EPRS1: variants seen among roughly 807,000 people sequenced by gnomAD.
EPRS1 encodes the protein glutamyl-prolyl-tRNA synthetase 1, also known as bifunctional glutamate/proline--tRNA ligase.
EPRS1 carries 107 observed loss-of-function variants against 188.3 expected under a neutral mutation model. The ratio of observed to expected loss-of-function variants is 0.57; its 90% CI spans 0.49 to 0.67. EPRS1 has a LOEUF of 0.67. Ranked by LOEUF, EPRS1 falls within the 30% of genes least tolerant of loss-of-function variation. The pLI, the probability that EPRS1 is intolerant of heterozygous loss-of-function variation, is 0.00. For missense variants in EPRS1, 1,577 were observed against 1,802.2 expected (o/e 0.88, Z 2.26); for synonymous variants, 596 against 593.1 (o/e 1.00, Z -0.07).
chr1:219,973,689 T>C (rs1219886968), intron 28 of EPRS1, among the ~76,000 whole-genome samples: 1 of 151,994 alleles, frequency 6.6e-6, no homozygotes, highest in Non-Finnish European at 1.5e-5. Flanking sequence ...CAAAATAGCA[T>C]CCAGAAAACG....
chr1:220,029,909 G>A (rs1038350310), intron 6 of EPRS1, among the ~76,000 whole-genome samples: 1 of 152,084 alleles, frequency 6.6e-6, no homozygotes, highest in Admixed American at 6.6e-5. Flanking sequence ...AGAGATGAAG[G>A]GGTTGGGAAA....
chr1:220,025,983 C>T (rs1238777642), intron 6 of EPRS1, among the ~76,000 whole-genome samples: 1 of 152,062 alleles, frequency 6.6e-6, no homozygotes, highest in Non-Finnish European at 1.5e-5. Context: ...TTAGTAGAAA[C>T]GAGGTTTCAC....
intron 8 of EPRS1, among the ~76,000 whole-genome samples, chr1:220,023,132 G>A (rs1661909346): frequency 6.6e-6 from 1 of 152,130 alleles, no homozygotes; most frequent in South Asian, 2.1e-4. Flanking sequence ...AGTGACACAG[G>A]AAAGAAAAGA....
chr1:220,042,728 T>C (rs1662321441), intron 1 of EPRS1, among the ~76,000 whole-genome samples: 1 of 151,546 alleles, frequency 6.6e-6, no homozygotes, highest in Non-Finnish European at 1.5e-5. Context: ...GAGACCATCC[T>C]GGACAACATG....
At chr1:219,990,168 G>A (rs899583794) in intron 18 of EPRS1, among the ~76,000 whole-genome samples, 2 of 149,288 alleles carry the variant, frequency 1.3e-5, no homozygotes, top group African/African-American at 4.9e-5. Flanking sequence ...AATTTGAAAC[G>A]TTATAAAGGA....
At chr1:220,002,656 T>G (rs1185460103) in intron 16 of EPRS1, among the ~76,000 whole-genome samples, 1 of 151,986 alleles carries the variant, frequency 6.6e-6, no homozygotes, top group Admixed American at 6.6e-5. Flanking sequence ...GCCGAGGAGT[T>G]CAAGACTAGC....
chr1:219,970,547 G>A (rs1449241988), intron 30 of EPRS1, among the ~76,000 whole-genome samples: 7 of 152,156 alleles, frequency 4.6e-5, no homozygotes, highest in South Asian at 2.1e-4. Flanking sequence ...GGGAGGCCAC[G>A]GCAGGTGGGT....
chr1:220,032,221 C>CTCG (rs1662098348), intron 5 of EPRS1, among the ~76,000 whole-genome samples, 166 bp downstream of exon 5: 1 of 148,092 alleles, frequency 6.8e-6, no homozygotes, highest in Non-Finnish European at 1.5e-5. Flanking sequence ...ACTACAGGCG[C>CTCG]CCACCATCAC....
chr1:220,042,875 C>T (rs1313933574), intron 1 of EPRS1, among the ~76,000 whole-genome samples: 2 of 152,036 alleles, frequency 1.3e-5, no homozygotes, highest in East Asian at 1.9e-4. Flanking sequence ...GAGCCAAGAT[C>T]GCACCACTGC....
chr1:220,002,391 A>T (rs1224464317), intron 16 of EPRS1, among the ~76,000 whole-genome samples: 1 of 152,004 alleles, frequency 6.6e-6, no homozygotes, highest in African/African-American at 2.4e-5. Context: ...CCAATCTATG[A>T]ACTTTCGTCC....
chr1:219,997,573 T>G (rs541908899), intron 17 of EPRS1, among the ~76,000 whole-genome samples: 1 of 152,234 alleles, frequency 6.6e-6, no homozygotes, highest in South Asian at 2.1e-4. Flanking sequence ...ATTTTTACTA[T>G]AGTAAAAACC....
At position 220,011,057 on chromosome 1, in the gene EPRS1, C is replaced by A; in HGVS notation, c.1495-1G>T. On this transcript the variant is annotated splice_acceptor_variant, in intron 12 of 31. Transcript: ENST00000366923. LOFTEE classifies it high-confidence loss of function. ...ATCGTGGAGCCACTGGGTCAATAAC[C>A]TGCAACAAATACATCCTCATGTTAA... 1 of 1,561,392 alleles carries A rather than the reference C, an allele frequency of 6.4e-7. No individual in the cohort carries two copies. Among genetic ancestry groups the A allele is most frequent in the Non-Finnish European group, 8.8e-7 (1 of 1,132,282 alleles).
intron 13 of EPRS1, 34 bp downstream of exon 13, chr1:220,010,910 CAG>C (rs759909474): frequency 3.3e-6 from 4 of 1,215,120 alleles, no homozygotes; most frequent in South Asian, 1.3e-5. Flanking sequence ...CTTCTTTTAA[CAG>C]AGAGAAACAC....
intron 11 of EPRS1, 75 bp downstream of exon 11, chr1:220,018,920 A>C: frequency 1.1e-6 from 1 of 941,516 alleles, no homozygotes; most frequent in Non-Finnish European, 1.7e-6. Context: ...AACAGAGATA[A>C]TAAAGAGTAA....
At chr1:220,033,852 G>A (rs1662128815) in intron 3 of EPRS1, among the ~76,000 whole-genome samples, 194 bp from the exon 4 acceptor site, 1 of 148,580 alleles carries the variant, frequency 6.7e-6, no homozygotes, top group African/African-American at 2.5e-5. Flanking sequence ...TTAAATAAAT[G>A]CCACATTTAT....
chr1:219,993,118 C>A (rs1661156204), intron 18 of EPRS1, among the ~76,000 whole-genome samples: 1 of 151,916 alleles, frequency 6.6e-6, no homozygotes, highest in Non-Finnish European at 1.5e-5. Context: ...GCCTGTACTT[C>A]CAGCTACTTA....
intron 18 of EPRS1, among the ~76,000 whole-genome samples, chr1:219,993,024 TAGA>T (rs1312486154): frequency 1.3e-5 from 2 of 151,998 alleles, no homozygotes; most frequent in Non-Finnish European, 2.9e-5. Flanking sequence ...AGCTTGAGTA[TAGA>T]AGTTCAAGAC....
chr1:220,021,336 G>A (rs1049211993), intron 9 of EPRS1, among the ~76,000 whole-genome samples: 8 of 151,874 alleles, frequency 5.3e-5, no homozygotes, highest in East Asian at 1.9e-4. Context: ...CTACTGAAGC[G>A]TGCCACCATA....
chr1:220,010,000 G>C (rs1661568069), intron 13 of EPRS1, among the ~76,000 whole-genome samples: 1 of 148,462 alleles, frequency 6.7e-6, no homozygotes, highest in Admixed American at 6.8e-5. Flanking sequence ...GGAGGCTAAG[G>C]CATGAGAATC....
Sources: allele counts gnomAD v4.1 joint callset (sites outside exome capture counted in the v4.1 genomes callset), GRCh38; gene constraint gnomAD v4.1.1; transcripts MANE v1.5; gene names NCBI Gene and HGNC (gene_info 2026-07-23, HGNC 2026-07-21).